The following EFR3A variants were observed in gnomAD, a reference collection of about 807,000 sequenced individuals.
EFR3A encodes EFR3 homolog A.
A neutral mutation model predicts 104.4 loss-of-function variants in EFR3A; 76 were observed. The ratio of observed to expected loss-of-function variants is 0.73; its 90% CI spans 0.60 to 0.88. The LOEUF is 0.88. Ranked by LOEUF, EFR3A falls within the 40% of genes least tolerant of loss-of-function variation. EFR3A has a pLI of 0.00. For synonymous variants in EFR3A, 330 were observed against 330.0 expected (o/e 1.00, Z 0.00); for missense variants, 985 against 1,012.5 (o/e 0.97, Z 0.37).
rs181312777 is a variant in EFR3A at position 131,954,117 on chromosome 8, A to C, written c.638+150A>C. On this transcript the variant is annotated intron_variant, in intron 6 of 22. Transcript: ENST00000254624. ...TTAAAAATATGTACCTTTCTGAAAAAATTTTTACTCTGTAGTGATCACATT... is the reference window on the plus strand; with the variant it reads ...TTAAAAATATGTACCTTTCTGAAAACATTTTTACTCTGTAGTGATCACATT... 2.1e-5 allele frequency: 15 copies of C among 697,708 alleles called. No individual in the cohort carries two copies. In the East Asian group the frequency reaches 4.4e-4, roughly 21 times the overall value. 43.2% of individuals were successfully genotyped at this position (697,708 alleles called of 1,614,324 possible). A position where few individuals can be genotyped will look rare whatever the true frequency, so the allele number is the denominator to read the frequency against.
In EFR3A at chr8:131,938,534, G is replaced by A. The variant is rs568608000; in HGVS notation, c.11-1965G>A. ...GTGGGTAGTTTTTTATTTTTAGTAAGTGGTCAAAAAGGTATTTTTGTTTTG... is the reference window on the plus strand; with the variant it reads ...GTGGGTAGTTTTTTATTTTTAGTAAATGGTCAAAAAGGTATTTTTGTTTTG... On this transcript the variant is annotated intron_variant, in intron 1 of 22. Transcript: ENST00000254624. Among the ~76,000 whole-genome samples, 12 of 152,122 alleles carry A rather than the reference G, an allele frequency of 7.9e-5. No individual in the cohort carries two copies. The East Asian group carries it at 2.3e-3, about 29-fold the overall frequency.
At chr8:131,943,547 C>G (rs927370967) in intron 2 of EFR3A, among the ~76,000 whole-genome samples, 4 of 152,036 alleles carry the variant, frequency 2.6e-5, no homozygotes, top group Non-Finnish European at 4.4e-5. Flanking sequence ...TCCTCCTAGA[C>G]AGGAAAACTA....
At chr8:131,917,759 A>G (rs1816813656) in intron 1 of EFR3A, among the ~76,000 whole-genome samples, 1 of 152,212 alleles carries the variant, frequency 6.6e-6, no homozygotes, top group Non-Finnish European at 1.5e-5. Context: ...AATGCTACAG[A>G]AAAACTGGTT....
At chr8:131,979,566 C>T (rs932082627) in intron 14 of EFR3A, 145 bp downstream of exon 14, 13 of 588,966 alleles carry the variant, frequency 2.2e-5, no homozygotes, top group East Asian at 8.9e-5. Context: ...TTCAGCCTCC[C>T]TCAAGTGTAA....
chr8:131,927,891 A>G (rs17560662), intron 1 of EFR3A, among the ~76,000 whole-genome samples: 25,433 of 152,182 alleles, frequency 0.17, 2,768 homozygotes, highest in Middle Eastern at 0.27. Flanking sequence ...AAGTTAAAGA[A>G]CAGATATAGA....
intron 1 of EFR3A, among the ~76,000 whole-genome samples, chr8:131,926,444 T>C (rs1001084518): frequency 1.8e-4 from 27 of 152,144 alleles, no homozygotes; most frequent in Admixed American, 3.9e-4. Flanking sequence ...TTGTATCTTC[T>C]TATTTCGTGT....
intron 8 of EFR3A, among the ~76,000 whole-genome samples, chr8:131,963,183 A>G (rs1240230698): frequency 6.6e-6 from 1 of 152,216 alleles, no homozygotes; most frequent in African/African-American, 2.4e-5. Flanking sequence ...GAGCAAACAC[A>G]TTCAAAAGCT....
chr8:131,953,771 A>G, intron 5 of EFR3A, 47 bp from the exon 6 acceptor site: 1 of 1,480,812 alleles, frequency 6.8e-7, no homozygotes, highest in Non-Finnish European at 9.0e-7. Flanking sequence ...TCTTGTTTAA[A>G]TAATTTTTTT....
intron 8 of EFR3A, among the ~76,000 whole-genome samples, chr8:131,963,542 A>T (rs1373073517): frequency 6.6e-6 from 1 of 152,216 alleles, no homozygotes; most frequent in African/African-American, 2.4e-5. Context: ...ATCTCTGAAT[A>T]GACCAATAAC....
intron 1 of EFR3A, among the ~76,000 whole-genome samples, chr8:131,904,649 T>C (rs548065279): frequency 8.7e-4 from 132 of 152,304 alleles, no homozygotes; most frequent in Non-Finnish European, 1.7e-3. Flanking sequence ...CGTGGGACTT[T>C]ATGGAAATAT....
chr8:131,970,363 G>T (rs1188083740), intron 9 of EFR3A, 113 bp from the exon 10 acceptor site: 4 of 972,920 alleles, frequency 4.1e-6, no homozygotes, highest in East Asian at 2.7e-5. Flanking sequence ...AATTACTATG[G>T]ATTTCTGACT....
At position 131,953,869 on chromosome 8, in the gene EFR3A, C is replaced by A; in HGVS notation, c.540C>A (p.Val180=). 1 of 1,571,114 alleles carries A rather than the reference C, an allele frequency of 6.4e-7. No individual in the cohort carries two copies. Among genetic ancestry groups the A allele is most frequent in the South Asian group, 1.2e-5 (1 of 85,690 alleles). ...TTCAAGGTGTGGTTCGCAAAACAGTCAACGATGAACTTCGGGCCACCATTT... is the reference window on the plus strand; with the variant it reads ...TTCAAGGTGTGGTTCGCAAAACAGTAAACGATGAACTTCGGGCCACCATTT... ...RGIQGVVRKT[V]NDELRATIWE... The change falls in exon 6 of 23, where the codon GTC becomes GTA. Residue 180 remains valine, a synonymous_variant. Transcript: ENST00000254624.
intron 13 of EFR3A, 38 bp downstream of exon 13, chr8:131,979,057 T>C (rs1360539006): frequency 6.5e-7 from 1 of 1,542,614 alleles, no homozygotes; most frequent in Admixed American, 2.0e-5. Context: ...ATGATAATGT[T>C]TTTAAATTGC....
chr8:131,942,725 A>G (rs187758810), intron 2 of EFR3A, among the ~76,000 whole-genome samples: 21 of 152,198 alleles, frequency 1.4e-4, no homozygotes, highest in Non-Finnish European at 1.9e-4. Context: ...GGAACATCTC[A>G]CCCAAACTTG....
chr8:131,919,586 A>G (rs189605325), intron 1 of EFR3A, among the ~76,000 whole-genome samples: 14 of 134,186 alleles, frequency 1.0e-4, no homozygotes, highest in South Asian at 4.7e-4. Flanking sequence ...ACAGAGCAAG[A>G]CTCCGTCTCA....
intron 1 of EFR3A, among the ~76,000 whole-genome samples, chr8:131,911,109 A>C (rs573995001): frequency 1.4e-4 from 22 of 152,174 alleles, no homozygotes; most frequent in Non-Finnish European, 2.9e-4. Context: ...TTTTGCATGT[A>C]ATTTGAAGCA....
Position 131,931,738 on chromosome 8 carries a change from G to GA in EFR3A, c.11-8753dup, listed in dbSNP as rs200320077. 3.8e-3 allele frequency among the ~76,000 whole-genome samples: 584 copies of GA among 151,854 alleles called. 3 individuals carry two copies. Among genetic ancestry groups the GA allele is most frequent in the African/African-American group, 0.014 (563 of 41,442 alleles). ...GGTAAGTATTATAGTTATTATATAT[G>GA]AAAAAAAACCAGCTAACATCTTAGG... is the stretch of plus-strand genomic sequence containing the variant. On this transcript the variant is annotated intron_variant, in intron 1 of 22. Coordinates refer to ENST00000254624, the MANE Select transcript of EFR3A (RefSeq NM_015137.6).
In EFR3A at chr8:132,002,593, A is replaced by G. The variant is rs1166112806; in HGVS notation, c.2207-10A>G. The G allele has an allele frequency of 1.9e-6, 3 of 1,601,944 alleles. No individual in the cohort carries two copies. The highest frequency in any genetic ancestry group is 1.7e-6 in the Non-Finnish European group (2 of 1,169,854). The stretch of plus-strand genomic sequence containing the variant: ...TTCCCTTTAATAAGTCTTTATAAAT[A>G]TTTGTATAGATACCAGTGGAATGGA... On this transcript the variant is annotated splice_polypyrimidine_tract_variant and intron_variant, in intron 20 of 22. Transcript: ENST00000254624.
In EFR3A at chr8:131,940,479, G is replaced by A; in HGVS notation, c.11-20G>A. 7.3e-7 allele frequency: 1 copy of A among 1,368,522 alleles called. No individual in the cohort carries two copies. The allele number at this position is 1,368,522 out of a possible 1,614,324, so 84.8% of individuals were successfully genotyped here. A position where few individuals can be genotyped will look rare whatever the true frequency, so the allele number is the denominator to read the frequency against. ...AATATTAATAATATCTGTATTTCTT[G>A]ATTTTTTTTTTTTTAACAGGAGTAT... is the stretch of plus-strand genomic sequence containing the variant. On this transcript the variant is annotated intron_variant, in intron 1 of 22. Transcript: ENST00000254624.
Sources: gnomAD v4.1 joint callset for allele counts (sites outside exome capture counted in the v4.1 genomes callset) on GRCh38, gnomAD v4.1.1 for gene constraint, MANE v1.5 for transcripts, NCBI Gene and HGNC (gene_info 2026-07-23, HGNC 2026-07-21) for gene names.